SURF4: variants seen among roughly 807,000 people sequenced by gnomAD.
SURF4 encodes surfeit locus protein 4.
A neutral mutation model predicts 30.0 loss-of-function variants in SURF4; 3 were observed. That is an observed-to-expected ratio of 0.10 (90% CI 0.05 to 0.26). The LOEUF (loss-of-function observed/expected upper bound fraction) is 0.26. SURF4 is among the 10% of genes least tolerant of loss of function. The pLI is 1.00. For missense variants in SURF4, 217 were observed against 350.8 expected (o/e 0.62, Z 3.05); for synonymous variants, 143 against 139.9 (o/e 1.02, Z -0.16).
intron 1 of SURF4, among the ~76,000 whole-genome samples, chr9:133,369,455 C>T (rs1837376161): frequency 6.6e-6 from 1 of 152,164 alleles, no homozygotes; most frequent in African/African-American, 2.4e-5. Context: ...GTGAGGCCAC[C>T]TGAACTAATG....
chr9:133,374,582 A>G (rs1344794175), intron 1 of SURF4, among the ~76,000 whole-genome samples: 1 of 152,098 alleles, frequency 6.6e-6, no homozygotes, highest in African/African-American at 2.4e-5. Flanking sequence ...TAAATAAATA[A>G]AAATAAATAA....
At chr9:133,365,946 A>G in intron 4 of SURF4, 39 bp downstream of exon 4, 1 of 1,602,558 alleles carries the variant, frequency 6.2e-7, no homozygotes, top group Non-Finnish European at 8.5e-7. Context: ...CTCAACCTGT[A>G]GAAGGAGCGT....
At chr9:133,366,562 C>T (rs1012928302) in intron 3 of SURF4, 37 bp downstream of exon 3, 7 of 1,609,540 alleles carry the variant, frequency 4.3e-6, no homozygotes, top group Non-Finnish European at 5.9e-6. Context: ...TCCACCAGAG[C>T]AAAGAGAAGG....
intron 1 of SURF4, among the ~76,000 whole-genome samples, chr9:133,373,909 C>T (rs1265244915): frequency 2.1e-5 from 1 of 47,528 alleles, no homozygotes; most frequent in African/African-American, 5.3e-5. Context: ...AATTCTGTCT[C>T]AAAAAAAAAA....
intron 1 of SURF4, chr9:133,370,769 T>A: frequency 1.2e-6 from 1 of 862,820 alleles, no homozygotes; most frequent in South Asian, 1.4e-5. Context: ...GGCGAGCACA[T>A]AAAACTTGTG....
At chr9:133,364,737 G>A (rs2130107761) in intron 5 of SURF4, 103 bp downstream of exon 5, 8 of 1,143,828 alleles carry the variant, frequency 7.0e-6, no homozygotes, top group Non-Finnish European at 1.0e-5. Flanking sequence ...GCTCCCCCAG[G>A]CTGTGGTTAA....
chr9:133,376,558 C>G (rs1245937714), upstream of SURF4: 7 of 1,594,780 alleles, frequency 4.4e-6, no homozygotes, highest in Non-Finnish European at 6.0e-6. Context: ...GGAGAAGTAC[C>G]AGGTGCCGAG....
At chr9:133,370,758 C>A (rs782264373) in intron 1 of SURF4, 17 of 741,526 alleles carry the variant, frequency 2.3e-5, no homozygotes, top group Non-Finnish European at 3.3e-5. Flanking sequence ...TGTGTAAACA[C>A]GGCGAGCACA....
At chr9:133,373,909 CAAAAAAAAAAAAAAA>C (rs71824689) in intron 1 of SURF4, among the ~76,000 whole-genome samples, 13 of 47,562 alleles carry the variant, frequency 2.7e-4, no homozygotes, top group South Asian at 2.6e-3. Flanking sequence ...AATTCTGTCT[CAAAAAAAAAAAAAAA>C]AAAAAAAAAA....
At chr9:133,374,500 G>A (rs1837735441) in intron 1 of SURF4, among the ~76,000 whole-genome samples, 1 of 152,136 alleles carries the variant, frequency 6.6e-6, no homozygotes. Flanking sequence ...GTTGGAGGTT[G>A]TGGTGTGCTG....
rs116430927 is a variant in SURF4, at chr9:133,362,787, T to G, written c.*706A>C. 1.3e-5 allele frequency: 2 copies of G among 155,726 alleles called. No homozygotes were observed. The highest frequency in any genetic ancestry group is 2.8e-5 in the Non-Finnish European group (2 of 70,486). 9.6% of individuals were successfully genotyped at this position (155,726 alleles called of 1,614,324 possible). A position where few individuals can be genotyped will look rare whatever the true frequency, so the allele number is the denominator to read the frequency against. ...CAGACCAGCAGCTTCCCCAAGGACT[T>G]CTTGCCCCTCCACCTTGCCTCAAGC... is the stretch of plus-strand genomic sequence containing the variant. On this transcript the variant is annotated 3_prime_UTR_variant, in exon 6 of 6. Coordinates refer to ENST00000371989, the MANE Select transcript of SURF4 (RefSeq NM_033161.4).
intron 1 of SURF4, chr9:133,372,515 C>G (rs2130197798): frequency 1.2e-6 from 1 of 846,812 alleles, no homozygotes; most frequent in East Asian, 1.2e-4. Flanking sequence ...TATCATGGAC[C>G]CGGCCCAGTG....
rs1321324965 is a variant in SURF4, at chr9:133,362,191, C to T, written c.*1302G>A. 6.6e-6 allele frequency: 1 copy of T among 150,890 alleles called. No individual in the cohort carries two copies. The highest frequency in any genetic ancestry group is 1.5e-5 in the Non-Finnish European group (1 of 68,030). The allele number at this position is 150,890 out of a possible 1,614,324, so 9.3% of individuals were successfully genotyped here. Reference sequence around the variant, plus strand: ...AGGCTCGGGGCTGGGCCGCAGCAGCCCTGGAGACAGGCTGAGCCAGCCTGT... The same window carrying T: ...AGGCTCGGGGCTGGGCCGCAGCAGCTCTGGAGACAGGCTGAGCCAGCCTGT... On this transcript the variant is annotated 3_prime_UTR_variant, in exon 6 of 6. Coordinates refer to ENST00000371989, the MANE Select transcript of SURF4 (RefSeq NM_033161.4).
chr9:133,365,392 A>C (rs2130116842), intron 4 of SURF4, among the ~76,000 whole-genome samples: 2 of 152,316 alleles, frequency 1.3e-5, no homozygotes, highest in South Asian at 4.1e-4. Context: ...AATAAGGGTC[A>C]GAAGAGACGG....
chr9:133,372,363 C>T (rs942183536), intron 1 of SURF4, among the ~76,000 whole-genome samples: 3 of 152,226 alleles, frequency 2.0e-5, no homozygotes, highest in South Asian at 4.1e-4. Flanking sequence ...AGTGAGGAAC[C>T]CAGCCTTTGG....
rs2130104677 is a variant in SURF4, at chr9:133,364,584, C to T, written c.543+256G>A. 2.0e-3 allele frequency among the ~76,000 whole-genome samples: 300 copies of T among 151,314 alleles called. 1 individual carries two copies. The highest frequency in any genetic ancestry group is 6.9e-3 in the African/African-American group (286 of 41,170). On this transcript the variant is annotated intron_variant, in intron 5 of 5. Transcript: ENST00000371989. ...GCAGGCGCCTGTAGTCCCAGCTGCT[C>T]GGGAGGCTGAGGCAGGAGAATGGCG...
chr9:133,365,340 A>C (rs1837104841), intron 4 of SURF4, among the ~76,000 whole-genome samples: 1 of 152,168 alleles, frequency 6.6e-6, no homozygotes, highest in Non-Finnish European at 1.5e-5. Context: ...CCCCGTGGTC[A>C]GGTCTGTCCT....
chr9:133,373,471 C>T (rs1320439303), intron 1 of SURF4, among the ~76,000 whole-genome samples: 1 of 151,968 alleles, frequency 6.6e-6, no homozygotes, highest in Non-Finnish European at 1.5e-5. Context: ...GGCGTGGTGG[C>T]GTGGGCCTGT....
chr9:133,367,278 G>A lies in SURF4; in HGVS notation c.216C>T (p.Leu72=), dbSNP rs2130138318. The change falls in exon 2 of 6, where the codon CTC becomes CTT. Residue 72 remains leucine (L), a synonymous_variant. Coordinates refer to ENST00000371989, the MANE Select transcript of SURF4 (RefSeq NM_033161.4). Reference sequence around the variant, plus strand: ...ACTCACTCAGCTGTCCCAGCAAGTTGAGGAAGACGAAGGACGAGGCCAGCA... The same window carrying A: ...ACTCACTCAGCTGTCCCAGCAAGTTAAGGAAGACGAAGGACGAGGCCAGCA... The part of the protein sequence containing the change: ...GYLLASSFVF[L]NLLGQLTGCV... 7.4e-6 allele frequency: 12 copies of A among 1,614,148 alleles called. No homozygotes were observed. The highest frequency in any genetic ancestry group is 1.0e-5 in the Non-Finnish European group (12 of 1,179,996).
Sources: gnomAD v4.1 joint callset for allele counts (sites outside exome capture counted in the v4.1 genomes callset) on GRCh38, gnomAD v4.1.1 for gene constraint, MANE v1.5 for transcripts, NCBI Gene and HGNC (gene_info 2026-07-23, HGNC 2026-07-21) for gene names.